Variants in DHRS4 observed in about 807,000 individuals in gnomAD.
The protein encoded by DHRS4 is dehydrogenase/reductase SDR family member 4.
A neutral mutation model predicts 28.4 loss-of-function variants in DHRS4; 20 were observed. That is an observed-to-expected ratio of 0.71 (90% CI 0.50 to 1.02). DHRS4 has a LOEUF of 1.02. Ranked by LOEUF, DHRS4 falls within the 50% of genes least tolerant of loss-of-function variation. The pLI, the probability that DHRS4 is intolerant of heterozygous loss-of-function variation, is 0.00. For synonymous variants in DHRS4, 144 were observed against 146.4 expected (o/e 0.98, Z 0.12); for missense variants, 378 against 367.2 (o/e 1.03, Z -0.24).
intron 3 of DHRS4, among the ~76,000 whole-genome samples, chr14:23,962,909 G>T (rs932459568): frequency 2.7e-5 from 4 of 145,802 alleles, no homozygotes; most frequent in African/African-American, 1.1e-4. Flanking sequence ...CTGCAGAATG[G>T]ATGTTGTGTT....
chr14:23,955,198 C>G lies in DHRS4; in HGVS notation c.292C>G (p.Arg98Gly). 6.2e-7 allele frequency: 1 copy of G among 1,613,128 alleles called. No individual in the cohort carries two copies. Among genetic ancestry groups the G allele is most frequent in the South Asian group, 1.1e-5 (1 of 90,954 alleles). ...CHVGKAEDRE[R>G]LVATAVKLHG... ...TGTGGGGAAGGCGGAGGACCGGGAG[C>G]GGCTGGTGGCCACGGTGAGCTGCAG... The change falls in exon 2 of 8, where the codon CGG (arginine) becomes GGG (glycine). Residue 98 changes from arginine (R) to glycine (G), a missense_variant. Transcript: ENST00000313250.
At chr14:23,964,998 C>T (rs1321610065) in intron 3 of DHRS4, among the ~76,000 whole-genome samples, 1 of 151,368 alleles carries the variant, frequency 6.6e-6, no homozygotes, top group Non-Finnish European at 1.5e-5. Flanking sequence ...ATTTAAAAAA[C>T]TGTACAGATC....
At position 23,969,022 on chromosome 14, in the gene DHRS4, G is replaced by A. The variant is rs1008922113; in HGVS notation, c.*151G>A. On this transcript the variant is annotated 3_prime_UTR_variant, in exon 8 of 8. Transcript: ENST00000313250. ...GTGAAAAGATCCAGCCTTCCCTGCC[G>A]TCAAGGTGGCGTCTTACTCGGGATT... The A allele has an allele frequency of 2.4e-5, 32 of 1,333,002 alleles. 1 individual carries two copies. In the South Asian group the frequency reaches 2.7e-4, roughly 11 times the overall value. The allele number at this position is 1,333,002 out of a possible 1,614,324, so 82.6% of individuals were successfully genotyped here.
At chr14:23,960,860 A>C (rs2033389940) in intron 3 of DHRS4, among the ~76,000 whole-genome samples, 1 of 152,114 alleles carries the variant, frequency 6.6e-6, no homozygotes, top group African/African-American at 2.4e-5. Context: ...ACTGTACAAG[A>C]AGCATGGTGC....
In DHRS4 at chr14:23,965,914, G is replaced by C. The variant is rs1339747124; in HGVS notation, c.480-18G>C. ...CTGGTCCACAATGGGAAGATGGTCAGCTCTCTTCTTTTTCCAGAGGCGGCT... is the reference window on the plus strand; with the variant it reads ...CTGGTCCACAATGGGAAGATGGTCACCTCTCTTCTTTTTCCAGAGGCGGCT... On this transcript the variant is annotated intron_variant, in intron 4 of 7. Coordinates refer to ENST00000313250, the MANE Select transcript of DHRS4 (RefSeq NM_021004.4). 6.2e-7 allele frequency: 1 copy of C among 1,607,490 alleles called. No individual in the cohort carries two copies. The highest frequency in any genetic ancestry group is 2.3e-5 in the East Asian group (1 of 44,256).
chr14:23,966,310 A>T lies in DHRS4; in HGVS notation c.559A>T (p.Thr187Ser), dbSNP rs1285970137. Residue 187 changes from threonine (T) to serine (S), a missense_variant, in exon 6 of 8, where the codon ACA (threonine) becomes TCA (serine). Thr to Ser is a moderately conservative substitution (Grantham distance 58). Transcript: ENST00000313250. Reference sequence around the variant, plus strand: ...CTTCAGTCCTTACAATGTCAGTAAAACAGCCTTGCTGGGCCTGACCAAGAC... The same window carrying T: ...CTTCAGTCCTTACAATGTCAGTAAATCAGCCTTGCTGGGCCTGACCAAGAC... Reference protein sequence around the residue: ...PGFSPYNVSKTALLGLTKTLA... With the variant: ...PGFSPYNVSKSALLGLTKTLA... 2 of 1,613,962 alleles carry T rather than the reference A, an allele frequency of 1.2e-6. No individual in the cohort carries two copies. The highest frequency in any genetic ancestry group is 1.7e-6 in the Non-Finnish European group (2 of 1,179,996).
In DHRS4 at chr14:23,955,148, T is replaced by C. The variant is rs1461743759; in HGVS notation, c.242T>C (p.Leu81Pro). 4 of 1,613,890 alleles carry C rather than the reference T, an allele frequency of 2.5e-6. No homozygotes were observed. Among genetic ancestry groups the C allele is most frequent in the South Asian group, 2.2e-5 (2 of 91,050 alleles). Residue 81 changes from leucine (L) to proline (P), a missense_variant, in exon 2 of 8, where the codon CTG (leucine) becomes CCG (proline). Leu to Pro is a moderately conservative substitution (Grantham distance 98). Transcript: ENST00000313250. ...QAVATLQGEG[L>P]SVTGTVCHVG... Reference sequence around the variant, plus strand: ...GTGGCCACGCTGCAGGGGGAGGGGCTGAGCGTGACGGGCACCGTGTGCCAT... The same window carrying C: ...GTGGCCACGCTGCAGGGGGAGGGGCCGAGCGTGACGGGCACCGTGTGCCAT...
rs199663128 is a variant in DHRS4, at chr14:23,955,057, C to T, written c.151C>T (p.Arg51Cys). 3.1e-6 allele frequency: 5 copies of T among 1,614,162 alleles called. No homozygotes were observed. The highest frequency in any genetic ancestry group is 2.7e-5 in the African/African-American group (2 of 75,072). ...CAGGATCGGCTTCGCCATCGCCCGGCGTTTGGCCCAGGACGGGGCCCATGT... is the reference window on the plus strand; with the variant it reads ...CAGGATCGGCTTCGCCATCGCCCGGTGTTTGGCCCAGGACGGGGCCCATGT... ...TDGIGFAIAR[R>C]LAQDGAHVVV... is the part of the protein sequence containing the mutation. Residue 51 changes from arginine (R) to cysteine (C), a missense_variant, in exon 2 of 8, where the codon CGT (arginine) becomes TGT (cysteine). Physicochemically the swap from Arg to Cys is radical, Grantham distance 180. Coordinates refer to ENST00000313250, the MANE Select transcript of DHRS4 (RefSeq NM_021004.4).
Position 23,969,149 on chromosome 14 carries a change from C to T in DHRS4, c.*278C>T. 4.3e-6 allele frequency: 2 copies of T among 468,198 alleles called. No individual in the cohort carries two copies. Among genetic ancestry groups the T allele is most frequent in the South Asian group, 3.5e-5 (1 of 28,810 alleles). The allele number at this position is 468,198 out of a possible 1,614,324, so 29.0% of individuals were successfully genotyped here. A position where few individuals can be genotyped will look rare whatever the true frequency, so the allele number is the denominator to read the frequency against. ...CTTGGCAAAGACCAAGATATTTTTT[C>T]CCGGGCCACTGGGGAATCTGAGGGG... is the stretch of plus-strand genomic sequence containing the variant. On this transcript the variant is annotated 3_prime_UTR_variant, in exon 8 of 8. Coordinates refer to ENST00000313250, the MANE Select transcript of DHRS4 (RefSeq NM_021004.4).
chr14:23,954,568 G>A (rs962342308), intron 1 of DHRS4, among the ~76,000 whole-genome samples: 2 of 152,186 alleles, frequency 1.3e-5, no homozygotes, highest in Non-Finnish European at 2.9e-5. Flanking sequence ...TTCCTCCCAA[G>A]GCAATATTTA....
intron 2 of DHRS4, 83 bp from the exon 3 acceptor site, chr14:23,959,819 C>G (rs2033334919): frequency 2.6e-6 from 4 of 1,515,850 alleles, no homozygotes; most frequent in Non-Finnish European, 3.6e-6. Flanking sequence ...GCTCCTTGCC[C>G]AGAAGGAAGT....
At chr14:23,968,675 C>T in intron 7 of DHRS4, 82 bp from the exon 8 acceptor site, 5 of 1,561,000 alleles carry the variant, frequency 3.2e-6, no homozygotes, top group South Asian at 2.4e-5. Context: ...CTTGATTAAG[C>T]AAATTTAACT....
chr14:23,962,620 C>CA (rs1566474528), intron 3 of DHRS4, among the ~76,000 whole-genome samples: 1 of 151,890 alleles, frequency 6.6e-6, no homozygotes, highest in East Asian at 1.9e-4. Flanking sequence ...ACCACATCTG[C>CA]AGTTCCTTCC....
chr14:23,958,064 C>A (rs1225130145), intron 2 of DHRS4, among the ~76,000 whole-genome samples: 2 of 152,010 alleles, frequency 1.3e-5, no homozygotes, highest in Non-Finnish European at 2.9e-5. Context: ...CTCTGCACCT[C>A]CCTAGTAACA....
intron 3 of DHRS4, among the ~76,000 whole-genome samples, chr14:23,964,253 A>AAC (rs2033534159): frequency 1.6e-4 from 22 of 138,262 alleles, no homozygotes; most frequent in Admixed American, 4.4e-4. Context: ...AAAAAAAAAA[A>AAC]ACACAATATC....
Position 23,955,179 on chromosome 14 carries a change from G to A in DHRS4, c.273G>A (p.Gly91=). The A allele has an allele frequency of 6.2e-7, 1 of 1,613,730 alleles. No individual in the cohort carries two copies. Among genetic ancestry groups the A allele is most frequent in the Non-Finnish European group, 8.5e-7 (1 of 1,179,792 alleles). The change falls in exon 2 of 8, where the codon GGG becomes GGA. Residue 91 remains glycine, a synonymous_variant. Coordinates refer to ENST00000313250, the MANE Select transcript of DHRS4 (RefSeq NM_021004.4). ...LSVTGTVCHV[G]KAEDRERLVA... ...TGACGGGCACCGTGTGCCATGTGGGGAAGGCGGAGGACCGGGAGCGGCTGG... is the reference window on the plus strand; with the variant it reads ...TGACGGGCACCGTGTGCCATGTGGGAAAGGCGGAGGACCGGGAGCGGCTGG...
intron 2 of DHRS4, 66 bp from the exon 3 acceptor site, chr14:23,959,836 C>A: frequency 6.3e-7 from 1 of 1,574,976 alleles, no homozygotes; most frequent in Non-Finnish European, 8.7e-7. Context: ...AAGTTTTTAT[C>A]AACATGGGTA....
intron 5 of DHRS4, 144 bp from the exon 6 acceptor site, chr14:23,966,139 G>C (rs2033607685): frequency 1.3e-6 from 2 of 1,587,210 alleles, no homozygotes; most frequent in East Asian, 4.5e-5. Context: ...CCACAACCTA[G>C]GGGAGGTTTA....
intron 2 of DHRS4, among the ~76,000 whole-genome samples, chr14:23,958,963 A>T (rs2033287000): frequency 6.6e-6 from 1 of 152,212 alleles, no homozygotes; most frequent in African/African-American, 2.4e-5. Context: ...GGACACTGGA[A>T]TAGATGATCT....
Sources: allele counts gnomAD v4.1 joint callset (sites outside exome capture counted in the v4.1 genomes callset), GRCh38; gene constraint gnomAD v4.1.1; transcripts MANE v1.5; gene names NCBI Gene and HGNC (gene_info 2026-07-23, HGNC 2026-07-21).